Variants in RPH3A observed in about 807,000 individuals in gnomAD.
RPH3A encodes rabphilin 3A, also known as rabphilin-3A.
A neutral mutation model predicts 102.2 loss-of-function variants in RPH3A; 48 were observed. The observed-to-expected ratio is 0.47, with a 90% CI of 0.37 to 0.60. The LOEUF is 0.60. RPH3A is among the 20% of genes least tolerant of loss of function. The pLI is 0.00. For synonymous variants in RPH3A, 310 were observed against 324.3 expected (o/e 0.96, Z 0.47); for missense variants, 781 against 910.1 (o/e 0.86, Z 1.83).
intron 1 of RPH3A, among the ~76,000 whole-genome samples, chr12:112,755,599 CT>C (rs2040818535): frequency 6.6e-6 from 1 of 152,106 alleles, no homozygotes; most frequent in African/African-American, 2.4e-5. Context: ...TCCATGATCC[CT>C]CGTGAGAAGA....
At chr12:112,680,134 C>A (rs1026887035) in intron 1 of RPH3A, among the ~76,000 whole-genome samples, 4 of 152,000 alleles carry the variant, frequency 2.6e-5, no homozygotes, top group African/African-American at 9.7e-5. Flanking sequence ...GAATGAGGGG[C>A]GAGTGGTATA....
intron 5 of RPH3A, among the ~76,000 whole-genome samples, chr12:112,854,430 A>T (rs4766661): frequency 0.44 from 66,236 of 152,130 alleles, 14,660 homozygotes; most frequent in Admixed American, 0.53. Context: ...AGATTCATTT[A>T]TGTAAACTTC....
chr12:112,678,279 A>AGAGAG (rs2040197690), intron 1 of RPH3A, among the ~76,000 whole-genome samples: 1 of 64,750 alleles, frequency 1.5e-5, no homozygotes, highest in Non-Finnish European at 2.9e-5. Flanking sequence ...GAAAGAAAGA[A>AGAGAG]AGAAAGAAAG....
rs114639238 is a variant in RPH3A, at chr12:112,733,933, T to C, written c.-139-58210T>C. On this transcript the variant is annotated intron_variant, in intron 1 of 21. Coordinates refer to the RPH3A transcript ENST00000543106. ...GTGGCTCTGGTAACAATAGTATTAT[T>C]ACTATGTTAATCTATTGAATGTTTA... Among the ~76,000 whole-genome samples the C allele has an allele frequency of 6.9e-3, 1,058 of 152,254 alleles. 14 individuals carry two copies. Among genetic ancestry groups the C allele is most frequent in the African/African-American group, 0.025 (1,019 of 41,536 alleles).
intron 1 of RPH3A, among the ~76,000 whole-genome samples, chr12:112,671,071 C>A (rs1321854043): frequency 6.6e-6 from 1 of 152,148 alleles, no homozygotes; most frequent in African/African-American, 2.4e-5. Flanking sequence ...GATTTCTGAG[C>A]CACCAGCCAT....
At position 112,746,402 on chromosome 12, in the gene RPH3A, A is replaced by T. The variant is rs79186926; in HGVS notation, c.-139-45741A>T. ...CACAGCCACCACCCAGAGTCAGGGA[A>T]GGTGTAGAAGCCAGACCTCCAAATA... On this transcript the variant is annotated intron_variant, in intron 1 of 21. Transcript: ENST00000543106. 1.3e-3 allele frequency among the ~76,000 whole-genome samples: 197 copies of T among 152,220 alleles called. 1 individual carries two copies. The highest frequency in any genetic ancestry group is 2.3e-3 in the Non-Finnish European group (157 of 68,002).
chr12:112,837,784 G>A (rs971957310), intron 4 of RPH3A: 2 of 455,918 alleles, frequency 4.4e-6, no homozygotes, highest in Admixed American at 2.3e-5. Flanking sequence ...GTTCTTAGAG[G>A]CTTCATGAAT....
chr12:112,879,977 G>A (rs2042879210), intron 14 of RPH3A, among the ~76,000 whole-genome samples: 1 of 152,164 alleles, frequency 6.6e-6, no homozygotes, highest in Non-Finnish European at 1.5e-5. Context: ...GGATAGTTGT[G>A]CGCACATGTT....
At chr12:112,801,223 A>C (rs192470136) in intron 2 of RPH3A, among the ~76,000 whole-genome samples, 1 of 152,272 alleles carries the variant, frequency 6.6e-6, no homozygotes, top group East Asian at 1.9e-4. Flanking sequence ...AGCTAGGCCC[A>C]TTCAAAAAAG....
At chr12:112,653,940 C>CATT (rs2039993658) in intron 1 of RPH3A, among the ~76,000 whole-genome samples, 1 of 152,160 alleles carries the variant, frequency 6.6e-6, no homozygotes, top group Non-Finnish European at 1.5e-5. Flanking sequence ...CAAGCACACA[C>CATT]ATTAGCCTAG....
chr12:112,844,760 G>A lies in RPH3A; in HGVS notation c.84-2936G>A, dbSNP rs192479798. ...TGATAACAAATCATCTCAAAAAAGT[G>A]GCTTAAAATTATAGAAACCATTGAT... On this transcript the variant is annotated intron_variant, in intron 4 of 21. Coordinates refer to ENST00000389385, the MANE Select transcript of RPH3A (RefSeq NM_001143854.2). Among the ~76,000 whole-genome samples the A allele has an allele frequency of 9.2e-5, 14 of 152,306 alleles. No homozygotes were observed. In the East Asian group the frequency reaches 2.7e-3, roughly 29 times the overall value.
chr12:112,594,785 G>C (rs965024545), intron 1 of RPH3A, among the ~76,000 whole-genome samples: 3 of 152,164 alleles, frequency 2.0e-5, no homozygotes, highest in African/African-American at 7.2e-5. Context: ...TATCCTCATG[G>C]ATAATATAAT....
Position 112,594,849 on chromosome 12 carries a change from T to C in RPH3A, c.-140+19530T>C, listed in dbSNP as rs79029564. Among the ~76,000 whole-genome samples the C allele has an allele frequency of 7.2e-3, 1,090 of 152,372 alleles. 17 individuals are homozygous for C. Among genetic ancestry groups the C allele is most frequent in the African/African-American group, 0.025 (1,034 of 41,584 alleles). ...AGGTATTGATTAATTAATTCACCAA[T>C]GTTCATTGAGCACTCGCTATATTCC... is the stretch of plus-strand genomic sequence containing the variant. On this transcript the variant is annotated intron_variant, in intron 1 of 21. Coordinates refer to the RPH3A transcript ENST00000543106.
At chr12:112,743,029 C>T (rs1210860670) in intron 1 of RPH3A, among the ~76,000 whole-genome samples, 2 of 152,184 alleles carry the variant, frequency 1.3e-5, no homozygotes, top group South Asian at 2.1e-4. Flanking sequence ...CATCCCGTGT[C>T]CTACTTCCTC....
chr12:112,645,846 A>G (rs766759206), intron 1 of RPH3A, among the ~76,000 whole-genome samples: 4 of 152,224 alleles, frequency 2.6e-5, no homozygotes, highest in Non-Finnish European at 4.4e-5. Context: ...ATGAGAGCAG[A>G]CAGCCGGTAG....
In RPH3A at chr12:112,785,739, C is replaced by T. The variant is rs552729222; in HGVS notation, c.-139-6404C>T. 3.1e-3 allele frequency among the ~76,000 whole-genome samples: 475 copies of T among 152,280 alleles called. 5 individuals are homozygous for T. The highest frequency in any genetic ancestry group is 0.02 in the South Asian group (94 of 4,818). ...GTTTAGTAACTTCCTCAAGGTCACA[C>T]AGTTTGCATGTGGTAGAGTCAGATT... On this transcript the variant is annotated intron_variant, in intron 1 of 21. Coordinates refer to the RPH3A transcript ENST00000543106.
intron 4 of RPH3A, among the ~76,000 whole-genome samples, chr12:112,843,591 G>A (rs1010383295): frequency 1.3e-5 from 2 of 152,194 alleles, no homozygotes; most frequent in Admixed American, 6.5e-5. Flanking sequence ...GTGTGGTGGT[G>A]GGGTGTGAGC....
At chr12:112,661,361 C>T (rs1192494000) in intron 1 of RPH3A, among the ~76,000 whole-genome samples, 1 of 152,178 alleles carries the variant, frequency 6.6e-6, no homozygotes, top group African/African-American at 2.4e-5. Flanking sequence ...GCCAGAGCTA[C>T]TCCCTAAGCC....
At chr12:112,876,267 G>A (rs1565936542) in intron 12 of RPH3A, among the ~76,000 whole-genome samples, 1 of 152,082 alleles carries the variant, frequency 6.6e-6, no homozygotes, top group Non-Finnish European at 1.5e-5. Context: ...TGTTTTAAGT[G>A]CTACACCTGT....
Sources: allele counts gnomAD v4.1 joint callset (sites outside exome capture counted in the v4.1 genomes callset), GRCh38; gene constraint gnomAD v4.1.1; transcripts MANE v1.5; gene names NCBI Gene and HGNC (gene_info 2026-07-23, HGNC 2026-07-21).